The following PCDHA3 variants were observed in gnomAD, a reference collection of about 807,000 sequenced individuals.
The protein encoded by PCDHA3 is protocadherin alpha-3.
PCDHA3 carries 41 observed loss-of-function variants against 62.2 expected under a neutral mutation model. That is an observed-to-expected ratio of 0.66 (90% CI 0.51 to 0.86). The LOEUF (loss-of-function observed/expected upper bound fraction) is 0.86. Among genes scored for constraint, PCDHA3 ranks in the 40% least tolerant of loss-of-function variants. The probability of loss-of-function intolerance (pLI) is 0.00; values close to 1 mark genes in which losing one functional copy is unlikely to be tolerated. For missense variants in PCDHA3, 1,304 were observed against 1,241.2 expected (o/e 1.05, Z -0.76); for synonymous variants, 640 against 555.4 (o/e 1.15, Z -2.14).
At chr5:140,909,360 T>C (rs2074454382) in intron 1 of PCDHA3, among the ~76,000 whole-genome samples, 1 of 152,222 alleles carries the variant, frequency 6.6e-6, no homozygotes, top group South Asian at 2.1e-4. Flanking sequence ...ATGTGTTAAT[T>C]TGTTCAAGCA....
chr5:140,992,841 A>G (rs1351149915), intron 3 of PCDHA3, among the ~76,000 whole-genome samples: 2 of 152,188 alleles, frequency 1.3e-5, no homozygotes, highest in African/African-American at 2.4e-5. Flanking sequence ...AACATTTTGT[A>G]TAACAACCAG....
intron 1 of PCDHA3, chr5:140,875,983 G>A: frequency 6.2e-7 from 1 of 1,613,992 alleles, no homozygotes; most frequent in Non-Finnish European, 8.5e-7. Context: ...TTTGACCTAT[G>A]CGTTAAGTCT....
rs543804071 is a variant in PCDHA3, at chr5:140,951,447, C to T, written c.2395-27502C>T. Among the ~76,000 whole-genome samples the T allele has an allele frequency of 2.2e-4, 34 of 152,004 alleles. No homozygotes were observed. In the South Asian group the frequency reaches 5.8e-3, roughly 26 times the overall value. On this transcript the variant is annotated intron_variant, in intron 1 of 3. Coordinates refer to ENST00000522353, the MANE Select transcript of PCDHA3 (RefSeq NM_018906.3). ...CCACAGGCTGTAGGAAGCATGATGC[C>T]GGCCATCTGCTTGGCTTCTGGGGAG...
In PCDHA3 at chr5:140,841,101, CG is replaced by C. The variant is rs1220554123; in HGVS notation, c.2394+37512del. 6.9e-6 allele frequency: 4 copies of C among 575,664 alleles called. No individual in the cohort carries two copies. The African/African-American group carries it at 7.5e-5, about 11-fold the overall frequency. The allele number at this position is 575,664 out of a possible 1,614,324, so 35.7% of individuals were successfully genotyped here. A position where few individuals can be genotyped will look rare whatever the true frequency, so the allele number is the denominator to read the frequency against. ...AGTGCATAGAAGAACCCAGATATTG[CG>C]GAAGTAATTCATGTAATCATTACCT... On this transcript the variant is annotated intron_variant, in intron 1 of 3. Coordinates refer to ENST00000522353, the MANE Select transcript of PCDHA3 (RefSeq NM_018906.3).
At chr5:140,900,695 C>T (rs889860103) in intron 1 of PCDHA3, among the ~76,000 whole-genome samples, 4 of 152,170 alleles carry the variant, frequency 2.6e-5, no homozygotes, top group Non-Finnish European at 5.9e-5. Context: ...TACTGATTTC[C>T]GTTCTTTTGG....
chr5:140,955,386 G>T (rs942993673), intron 1 of PCDHA3, among the ~76,000 whole-genome samples: 4 of 152,080 alleles, frequency 2.6e-5, no homozygotes, highest in African/African-American at 9.7e-5. Flanking sequence ...AATCATGGGG[G>T]CAATTATCCC....
At chr5:140,829,950 T>C (rs1770704660) in intron 1 of PCDHA3, 1 of 1,613,960 alleles carries the variant, frequency 6.2e-7, no homozygotes, top group Non-Finnish European at 8.5e-7. Context: ...AGCGCTCGCT[T>C]CCCGTTTCGC....
rs146613275 is a variant in PCDHA3, at chr5:140,871,400, C to G, written c.2394+67809C>G. ...TGCTCTGAGGAGGGCCCACCTAAGA[C>G]GGACCTCATGGCCTTCAGCCCCAGT... On this transcript the variant is annotated intron_variant, in intron 1 of 3. Transcript: ENST00000522353. The G allele has an allele frequency of 1.8e-4, 284 of 1,614,130 alleles. 1 individual carries two copies. The African/African-American group carries it at 2.8e-3, about 16-fold the overall frequency.
intron 1 of PCDHA3, chr5:140,883,731 C>T (rs1287936712): frequency 6.2e-7 from 1 of 1,613,446 alleles, no homozygotes; most frequent in East Asian, 2.2e-5. Flanking sequence ...CAGGAGAACG[C>T]GCTGGTCTCC....
intron 1 of PCDHA3, among the ~76,000 whole-genome samples, chr5:140,936,151 C>G (rs947807537): frequency 6.6e-6 from 1 of 152,128 alleles, no homozygotes; most frequent in Non-Finnish European, 1.5e-5. Context: ...CCTTGGCCTC[C>G]TAAAGTGCTG....
At chr5:140,808,543 T>C (rs143191768) in intron 1 of PCDHA3, 21 of 1,613,932 alleles carry the variant, frequency 1.3e-5, no homozygotes, top group Non-Finnish European at 1.7e-5. Flanking sequence ...ACGACAACGC[T>C]CCGGCGTTCG....
At chr5:140,860,225 A>C (rs2046280777) in intron 1 of PCDHA3, 1 of 151,528 alleles carries the variant, frequency 6.6e-6, no homozygotes, top group South Asian at 2.1e-4. Flanking sequence ...ATGTATATAT[A>C]AGCCAGGCAT....
In PCDHA3 at chr5:140,928,114, A is replaced by C. The variant is rs200013855; in HGVS notation, c.2395-50835A>C. ...TGATGGGCCCCTGGACCGGGAGCAG[A>C]TCAGTGAATACCAAGTCCTGATCAC... On this transcript the variant is annotated intron_variant, in intron 1 of 3. Coordinates refer to ENST00000522353, the MANE Select transcript of PCDHA3 (RefSeq NM_018906.3). 280 of 1,614,088 alleles carry C rather than the reference A, an allele frequency of 1.7e-4. No individual in the cohort carries two copies. Among genetic ancestry groups the C allele is most frequent in the Middle Eastern group, 6.6e-4 (4 of 6,084 alleles).
intron 1 of PCDHA3, among the ~76,000 whole-genome samples, chr5:140,961,529 T>C (rs1208334511): frequency 2.6e-5 from 4 of 152,244 alleles, no homozygotes; most frequent in Admixed American, 1.3e-4. Flanking sequence ...AAATTCTAGA[T>C]AGACTGTTCC....
intron 3 of PCDHA3, among the ~76,000 whole-genome samples, chr5:141,007,395 C>CAAAAAAAAAAAA (rs35800918): frequency 6.3e-5 from 6 of 94,866 alleles, no homozygotes; most frequent in Admixed American, 1.2e-4. Flanking sequence ...TACTAAAATA[C>CAAAAAAAAAAAA]AAAAAAAAAA....
chr5:140,983,009 G>C (rs1272086703), intron 3 of PCDHA3, among the ~76,000 whole-genome samples: 2 of 151,884 alleles, frequency 1.3e-5, no homozygotes, highest in Non-Finnish European at 2.9e-5. Flanking sequence ...AAAGAAAAAG[G>C]AAGGAAGGAA....
chr5:140,915,132 AGAGAC>A (rs1406752818), intron 1 of PCDHA3, among the ~76,000 whole-genome samples: 1 of 151,994 alleles, frequency 6.6e-6, no homozygotes, highest in Non-Finnish European at 1.5e-5. Flanking sequence ...TATTTTTAGT[AGAGAC>A]GGGGTTTCAC....
chr5:140,942,906 G>A (rs1454697434), intron 1 of PCDHA3, among the ~76,000 whole-genome samples: 1 of 151,800 alleles, frequency 6.6e-6, no homozygotes, highest in South Asian at 2.1e-4. Flanking sequence ...CTAAGAATAA[G>A]CGTGAAGAAA....
At chr5:140,966,710 G>C in intron 1 of PCDHA3, 1 of 1,391,664 alleles carries the variant, frequency 7.2e-7, no homozygotes, top group African/African-American at 1.5e-5. Context: ...GTGGGGCACG[G>C]CTGGGGAAGC....
Sources: allele counts gnomAD v4.1 joint callset (sites outside exome capture counted in the v4.1 genomes callset), GRCh38; gene constraint gnomAD v4.1.1; transcripts MANE v1.5; gene names NCBI Gene and HGNC (gene_info 2026-07-23, HGNC 2026-07-21).